WRAP53: variants seen among roughly 807,000 people sequenced by gnomAD.
The protein encoded by WRAP53 is WD repeat containing antisense to TP53.
Under a neutral mutation model 56.6 loss-of-function variants are expected in WRAP53, and 28 were observed. That is an observed-to-expected ratio of 0.50 (90% confidence interval 0.37 to 0.68). WRAP53 has a LOEUF of 0.68. Among genes scored for constraint, WRAP53 ranks in the 30% least tolerant of loss-of-function variants. WRAP53 has a pLI of 0.00. For missense variants in WRAP53, 671 were observed against 715.5 expected (o/e 0.94, Z 0.71); for synonymous variants, 283 against 283.4 (o/e 1.00, Z 0.01).
chr17:7,694,020 C>T (rs1017009806), intron 4 of WRAP53, among the ~76,000 whole-genome samples: 3 of 152,026 alleles, frequency 2.0e-5, no homozygotes, highest in East Asian at 1.9e-4. Context: ...TGGTGGCTCA[C>T]GCCTGTAATC....
chr17:7,686,309 T>A (rs1372191874), upstream of WRAP53: 1 of 152,210 alleles, frequency 6.6e-6, no homozygotes, highest in Non-Finnish European at 1.5e-5. Flanking sequence ...CATTCTTTTT[T>A]TTTTTCCTCC....
chr17:7,694,823 G>A (rs1300324154), intron 4 of WRAP53, among the ~76,000 whole-genome samples: 2 of 149,966 alleles, frequency 1.3e-5, no homozygotes, highest in East Asian at 2.0e-4. Flanking sequence ...GTGAGACTCT[G>A]TCTCAAAACA....
chr17:7,691,986 G>A (rs2151088079), intron 4 of WRAP53, among the ~76,000 whole-genome samples: 1 of 152,074 alleles, frequency 6.6e-6, no homozygotes, highest in Admixed American at 6.6e-5. Flanking sequence ...ACAGGCATGT[G>A]CCACCACACC....
chr17:7,703,401 G>C lies in WRAP53; in HGVS notation c.1562G>C (p.Gly521Ala), dbSNP rs780433406. The change falls in exon 11 of 11, where the codon GGG becomes GCG. Residue 521 changes from glycine (G) to alanine (A), a missense_variant. Transcript: ENST00000396463. ...ECRLQLWWCG[G>A]APDSSIPDDH... is the part of the protein sequence containing the mutation. ...CGGCTTCAGCTCTGGTGGTGTGGGG[G>C]GGCGCCAGACTCCAGCATCCCTGAT... 5.0e-6 allele frequency: 8 copies of C among 1,612,552 alleles called. No individual in the cohort carries two copies. In the African/African-American group the frequency reaches 6.7e-5, roughly 13 times the overall value.
chr17:7,690,990 A>C (rs1293250257), intron 4 of WRAP53, among the ~76,000 whole-genome samples: 1 of 151,962 alleles, frequency 6.6e-6, no homozygotes, highest in Non-Finnish European at 1.5e-5. Flanking sequence ...TGGGCAGATC[A>C]CCTGAGGTCA....
At position 7,701,861 on chromosome 17, in the gene WRAP53, C is replaced by G. The variant is rs955082838; in HGVS notation, c.955+72C>G. On this transcript the variant is annotated intron_variant, in intron 7 of 10. Coordinates refer to ENST00000396463, the MANE Select transcript of WRAP53 (RefSeq NM_001143992.2). This position sits in a 1 kb window ranked among gnomAD's most constrained non-coding sequence, Gnocchi z 4.2. The stretch of plus-strand genomic sequence containing the variant: ...CACCTGCACAGGGGCCTTTTGTGAG[C>G]CGGGGGCCACCTGTGGGGGTTCACG... 3 of 1,564,772 alleles carry G rather than the reference C, an allele frequency of 1.9e-6. No homozygotes were observed. In the Admixed American group the frequency reaches 5.6e-5, roughly 29 times the overall value.
chr17:7,701,383 G>C lies in WRAP53; in HGVS notation c.732-76G>C, dbSNP rs779411378. On this transcript the variant is annotated intron_variant, in intron 5 of 10. Coordinates refer to ENST00000396463, the MANE Select transcript of WRAP53 (RefSeq NM_001143992.2). The surrounding 1 kb of genome is among the most constrained non-coding windows in gnomAD (Gnocchi z 4.2). ...GCCTCCCAAAGTGCTGGGATTACAGGCATGAGCCACTGTGCCCGGCCATTC... is the reference window on the plus strand; with the variant it reads ...GCCTCCCAAAGTGCTGGGATTACAGCCATGAGCCACTGTGCCCGGCCATTC... 3 of 1,525,972 alleles carry C rather than the reference G, an allele frequency of 2.0e-6. No homozygotes were observed. The East Asian group carries it at 6.8e-5, about 34-fold the overall frequency. 94.5% of individuals were successfully genotyped at this position (1,525,972 alleles called of 1,614,324 possible).
chr17:7,700,671 C>G (rs929847422), intron 4 of WRAP53, 70 bp from the exon 5 acceptor site: 2 of 1,042,450 alleles, frequency 1.9e-6, no homozygotes, highest in African/African-American at 1.6e-5. Context: ...TGCCACAACA[C>G]TGCTAGAGGC....
chr17:7,689,007 G>T lies in WRAP53; in HGVS notation c.359G>T (p.Gly120Val), dbSNP rs1417767625. 6.2e-6 allele frequency: 10 copies of T among 1,614,042 alleles called. No homozygotes were observed. Among genetic ancestry groups the T allele is most frequent in the Non-Finnish European group, 8.5e-6 (10 of 1,180,050 alleles). The change falls in exon 2 of 11, where the codon GGG (glycine) becomes GTG (valine). Residue 120 changes from glycine to valine, a missense_variant. Around this residue, in one of 3 missense-constraint regions of WRAP53, gnomAD observed 406 missense variants for 418.5 expected, o/e 0.97. Coordinates refer to ENST00000396463, the MANE Select transcript of WRAP53 (RefSeq NM_001143992.2). ...AGCCTTTCTGAAGAAGAAGCGAACGGGCCAGAGTTGGGGTCTGGAAAAGCC... is the reference window on the plus strand; with the variant it reads ...AGCCTTTCTGAAGAAGAAGCGAACGTGCCAGAGTTGGGGTCTGGAAAAGCC... The part of the protein sequence containing the change: ...NGSLSEEEAN[G>V]PELGSGKAME...
At chr17:7,694,807 G>A (rs1379823119) in intron 4 of WRAP53, among the ~76,000 whole-genome samples, 2 of 151,556 alleles carry the variant, frequency 1.3e-5, no homozygotes, top group African/African-American at 4.8e-5. Flanking sequence ...TAGCCTGGGC[G>A]ACAGAGTGAG....
intron 4 of WRAP53, among the ~76,000 whole-genome samples, chr17:7,699,507 T>A (rs1216361624): frequency 1.7e-4 from 4 of 22,956 alleles, no homozygotes; most frequent in African/African-American, 2.6e-4. Context: ...TATATTTATA[T>A]ATATATATAT....
In WRAP53 at chr17:7,688,663, G is replaced by A. The variant is rs376286349; in HGVS notation, c.15G>A (p.Glu5=). The change falls in exon 2 of 11, where the codon GAG becomes GAA. Residue 5 remains glutamate (E), a synonymous_variant. Coordinates refer to ENST00000396463, the MANE Select transcript of WRAP53 (RefSeq NM_001143992.2). MKTL[E]TQPLAPDCCP... ...TCCTCTGCAGTATGAAGACTTTGGA[G>A]ACTCAACCGTTAGCTCCGGACTGCT... 7.4e-5 allele frequency: 119 copies of A among 1,614,222 alleles called. No homozygotes were observed. In the South Asian group the frequency reaches 1.2e-3, roughly 16 times the overall value.
chr17:7,696,411 G>C (rs921453116), intron 4 of WRAP53, among the ~76,000 whole-genome samples: 1 of 144,452 alleles, frequency 6.9e-6, no homozygotes, highest in East Asian at 2.1e-4. Flanking sequence ...CCATTCTCCT[G>C]CCTCAGCCTC....
At chr17:7,688,590 C>T (rs1597402865) in intron 1 of WRAP53, 29 bp downstream of exon 1, 6 of 1,594,734 alleles carry the variant, frequency 3.8e-6, no homozygotes, top group Non-Finnish European at 5.1e-6. Context: ...GCGTCGGATC[C>T]CTGAGAACTT....
chr17:7,699,518 AT>A (rs2074244545), intron 4 of WRAP53, among the ~76,000 whole-genome samples: 4 of 28,830 alleles, frequency 1.4e-4, no homozygotes, highest in African/African-American at 6.4e-4. Context: ...ATATATATAT[AT>A]ATTTATATAT....
At chr17:7,698,565 C>CA (rs1296049934) in intron 4 of WRAP53, among the ~76,000 whole-genome samples, 3 of 151,854 alleles carry the variant, frequency 2.0e-5, no homozygotes, top group Non-Finnish European at 4.4e-5. Flanking sequence ...CCTGTTTCTA[C>CA]AAAAAAATAA....
In WRAP53 at chr17:7,688,994, G is replaced by T. The variant is rs1701909717; in HGVS notation, c.346G>T (p.Glu116Ter). 1 of 1,614,182 alleles carries T rather than the reference G, an allele frequency of 6.2e-7. No individual in the cohort carries two copies. The highest frequency in any genetic ancestry group is 1.3e-5 in the African/African-American group (1 of 75,044). The change falls in exon 2 of 11, where the codon GAA (glutamate) becomes TAA (stop). Residue 116 changes from glutamate (E) to a stop codon, truncating the protein, a stop_gained. Coordinates refer to ENST00000396463, the MANE Select transcript of WRAP53 (RefSeq NM_001143992.2). LOFTEE classifies it high-confidence loss of function. ...AGAAGCAAACGGGAGCCTTTCTGAA[G>T]AAGAAGCGAACGGGCCAGAGTTGGG... ...AEEANGSLSEEEANGPELGSG... is the reference protein window; with the variant it reads ...AEEANGSLSE
chr17:7,691,735 G>A (rs2074112704), intron 4 of WRAP53, among the ~76,000 whole-genome samples: 1 of 151,770 alleles, frequency 6.6e-6, no homozygotes, highest in Non-Finnish European at 1.5e-5. Context: ...ACGTTGGCCT[G>A]GCTGGTCTCA....
At position 7,695,861 on chromosome 17, in the gene WRAP53, C is replaced by T. The variant is rs536071185; in HGVS notation, c.643-4880C>T. On this transcript the variant is annotated intron_variant, in intron 4 of 10. Transcript: ENST00000396463. ...CCCTCCCACTGCCTCTACTTTAATT[C>T]AAGGTCCTATTATTTTGGGCCTTAT... 2.0e-5 allele frequency among the ~76,000 whole-genome samples: 3 copies of T among 152,182 alleles called. No individual in the cohort carries two copies. The South Asian group carries it at 6.2e-4, about 32-fold the overall frequency.
Sources: allele counts gnomAD v4.1 joint callset (sites outside exome capture counted in the v4.1 genomes callset), GRCh38; gene constraint gnomAD v4.1.1; regional missense constraint gnomAD v4.1.1; non-coding constraint Gnocchi (gnomAD v3.1); transcripts MANE v1.5; gene names NCBI Gene and HGNC (gene_info 2026-07-23, HGNC 2026-07-21).